The following ATP8A2 variants were observed in gnomAD, a reference collection of about 807,000 sequenced individuals.
The protein encoded by ATP8A2 is phospholipid-transporting ATPase IB.
Under a neutral mutation model 165.6 loss-of-function variants are expected in ATP8A2, and 100 were observed. That is an observed-to-expected ratio of 0.60 (90% CI 0.51 to 0.71). The LOEUF is 0.71. Ranked by LOEUF, ATP8A2 falls within the 30% of genes least tolerant of loss-of-function variation. ATP8A2 has a pLI of 0.00. For missense variants in ATP8A2, 1,227 were observed against 1,479.5 expected (o/e 0.83, Z 2.80); for synonymous variants, 543 against 548.8 (o/e 0.99, Z 0.15).
At chr13:25,773,472 C>T (rs533395124) in intron 26 of ATP8A2, among the ~76,000 whole-genome samples, 10 of 152,122 alleles carry the variant, frequency 6.6e-5, no homozygotes, top group African/African-American at 1.9e-4. Flanking sequence ...TGAGGAGATA[C>T]GATCTGAGTG....
At chr13:25,453,632 A>G (rs989615559) in intron 1 of ATP8A2, among the ~76,000 whole-genome samples, 4 of 152,204 alleles carry the variant, frequency 2.6e-5, no homozygotes, top group Admixed American at 2.0e-4. Flanking sequence ...GTGGGGTTGT[A>G]TCTAGCCTAT....
intron 33 of ATP8A2, among the ~76,000 whole-genome samples, chr13:25,908,670 G>A (rs1021680515): frequency 6.6e-6 from 1 of 152,210 alleles, no homozygotes; most frequent in African/African-American, 2.4e-5. Context: ...AGCCAAAGCT[G>A]GCATGACTTG....
chr13:25,676,546 GC>G (rs1199175716), intron 24 of ATP8A2, among the ~76,000 whole-genome samples: 4 of 152,088 alleles, frequency 2.6e-5, no homozygotes, highest in Admixed American at 6.6e-5. Flanking sequence ...GCATGTGAGT[GC>G]CCCACACTAC....
chr13:25,606,276 G>A (rs1187470858), intron 24 of ATP8A2, among the ~76,000 whole-genome samples: 1 of 152,184 alleles, frequency 6.6e-6, no homozygotes, highest in Non-Finnish European at 1.5e-5. Flanking sequence ...ATGTGCCATA[G>A]GAGGTGAACC....
At chr13:25,541,512 G>C (rs1331192420) in intron 8 of ATP8A2, among the ~76,000 whole-genome samples, 1 of 152,104 alleles carries the variant, frequency 6.6e-6, no homozygotes, top group Non-Finnish European at 1.5e-5. Context: ...GACAGAGTGA[G>C]ACCCTGTCTC....
intron 35 of ATP8A2, among the ~76,000 whole-genome samples, chr13:25,983,728 C>G (rs1388038772): frequency 6.6e-6 from 1 of 152,122 alleles, no homozygotes; most frequent in Non-Finnish European, 1.5e-5. Context: ...AAGCATGTAT[C>G]AAACCCTTGC....
intron 33 of ATP8A2, among the ~76,000 whole-genome samples, chr13:25,926,046 A>C (rs1954596905): frequency 6.6e-6 from 1 of 152,062 alleles, no homozygotes; most frequent in South Asian, 2.1e-4. Flanking sequence ...TTTCATAGTA[A>C]ATTTCCATAA....
intron 1 of ATP8A2, among the ~76,000 whole-genome samples, chr13:25,413,078 A>T (rs1418958292): frequency 6.6e-6 from 1 of 152,102 alleles, no homozygotes; most frequent in Non-Finnish European, 1.5e-5. Context: ...TCGATCTCCC[A>T]AAGTGCTGGG....
At chr13:25,574,738 C>G (rs778334582) in intron 18 of ATP8A2, 70 bp from the exon 19 acceptor site, 16 of 887,778 alleles carry the variant, frequency 1.8e-5, no homozygotes, top group Non-Finnish European at 2.9e-5. Flanking sequence ...TCTGTTTATG[C>G]TTGGGAGACA....
intron 1 of ATP8A2, among the ~76,000 whole-genome samples, chr13:25,450,808 G>A (rs1489655495): frequency 1.3e-5 from 2 of 152,032 alleles, no homozygotes; most frequent in African/African-American, 4.8e-5. Flanking sequence ...TAGGATTACA[G>A]GCTTGAGCCA....
chr13:25,864,221 T>C (rs141218437), intron 33 of ATP8A2, among the ~76,000 whole-genome samples: 6 of 152,310 alleles, frequency 3.9e-5, no homozygotes, highest in Non-Finnish European at 8.8e-5. Context: ...ATAGACAGTG[T>C]TCTAAATTAG....
chr13:25,825,302 G>A (rs918100672), intron 27 of ATP8A2, among the ~76,000 whole-genome samples: 14 of 151,008 alleles, frequency 9.3e-5, no homozygotes, highest in African/African-American at 3.4e-4. Flanking sequence ...GGACTACAGA[G>A]GTGTGCATCA....
intron 24 of ATP8A2, among the ~76,000 whole-genome samples, chr13:25,625,010 T>C (rs144710887): frequency 4.6e-5 from 7 of 152,338 alleles, no homozygotes; most frequent in African/African-American, 1.7e-4. Flanking sequence ...GAAAACCTAA[T>C]AGCAACAATG....
intron 25 of ATP8A2, among the ~76,000 whole-genome samples, chr13:25,744,947 T>A (rs189902610): frequency 1.6e-4 from 24 of 152,192 alleles, no homozygotes; most frequent in African/African-American, 5.8e-4. Flanking sequence ...TTTCTTTTCT[T>A]TTCTTTTTTG....
chr13:25,755,476 G>A (rs539475275), intron 25 of ATP8A2, among the ~76,000 whole-genome samples: 77 of 152,284 alleles, frequency 5.1e-4, no homozygotes, highest in Admixed American at 2.0e-3. Flanking sequence ...AAAGCATTCC[G>A]TTGAATGTAG....
At chr13:25,908,649 C>T (rs771867146) in intron 33 of ATP8A2, among the ~76,000 whole-genome samples, 39 of 152,224 alleles carry the variant, frequency 2.6e-4, no homozygotes, top group Non-Finnish European at 5.0e-4. Flanking sequence ...GTTCAAGCCT[C>T]AAGGGGGCTG....
chr13:25,855,758 G>A (rs528732305), intron 30 of ATP8A2, among the ~76,000 whole-genome samples: 1 of 152,254 alleles, frequency 6.6e-6, no homozygotes, highest in East Asian at 1.9e-4. Flanking sequence ...TCCAGGGTTT[G>A]CACCGTTTTA....
intron 25 of ATP8A2, among the ~76,000 whole-genome samples, chr13:25,714,366 A>G (rs745653771): frequency 6.6e-5 from 10 of 152,022 alleles, no homozygotes; most frequent in African/African-American, 2.4e-4. Context: ...TCTTTGCTCA[A>G]ATGTCACCCT....
At chr13:25,718,218 TC>T (rs1555254372) in intron 25 of ATP8A2, among the ~76,000 whole-genome samples, 1 of 91,838 alleles carries the variant, frequency 1.1e-5, no homozygotes, top group South Asian at 2.6e-4. Flanking sequence ...ATTTATTTTG[TC>T]GTAATAAAAT....
Sources: gnomAD v4.1 joint callset for allele counts (sites outside exome capture counted in the v4.1 genomes callset) on GRCh38, gnomAD v4.1.1 for gene constraint, MANE v1.5 for transcripts, NCBI Gene and HGNC (gene_info 2026-07-23, HGNC 2026-07-21) for gene names.